The following IYD variants were observed in gnomAD, a reference collection of about 807,000 sequenced individuals.
IYD encodes iodotyrosine deiodinase 1.
A neutral mutation model predicts 28.4 loss-of-function variants in IYD; 25 were observed. That is an observed-to-expected ratio of 0.88 (90% confidence interval 0.64 to 1.23). The LOEUF is 1.23. Among genes scored for constraint, IYD ranks in the 50% most tolerant of loss-of-function variants. The pLI, the probability that IYD is intolerant of heterozygous loss-of-function variation, is 0.00. For missense variants in IYD, 352 were observed against 357.9 expected (o/e 0.98, Z 0.13); for synonymous variants, 140 against 130.8 (o/e 1.07, Z -0.48).
At chr6:150,388,343 T>C (rs1777955543) in intron 1 of IYD, among the ~76,000 whole-genome samples, 1 of 152,222 alleles carries the variant, frequency 6.6e-6, no homozygotes, top group Admixed American at 6.5e-5. Flanking sequence ...GGAATTCAAA[T>C]GTGTAGGGAT....
intron 1 of IYD, among the ~76,000 whole-genome samples, chr6:150,376,887 G>A (rs1777463396): frequency 6.6e-6 from 1 of 152,148 alleles, no homozygotes; most frequent in Non-Finnish European, 1.5e-5. Flanking sequence ...CTCCCAAAGT[G>A]CTGAGATTAC....
chr6:150,373,839 C>T (rs1777354780), intron 1 of IYD, among the ~76,000 whole-genome samples: 1 of 152,220 alleles, frequency 6.6e-6, no homozygotes, highest in South Asian at 2.1e-4. Context: ...TTGTCTTAGA[C>T]ACACCTAGAC....
At chr6:150,391,582 G>A (rs140297550) in intron 2 of IYD, among the ~76,000 whole-genome samples, 156 of 152,302 alleles carry the variant, frequency 1.0e-3, no homozygotes, top group Admixed American at 2.2e-3. Context: ...TGGAACTACA[G>A]AGCTTGATCA....
intron 4 of IYD, chr6:150,396,416 T>C: frequency 1.5e-6 from 1 of 665,944 alleles, no homozygotes; most frequent in South Asian, 1.7e-5. Context: ...GAAGTCAACT[T>C]AACATTAATA....
chr6:150,395,715 G>T, intron 4 of IYD: 1 of 733,692 alleles, frequency 1.4e-6, no homozygotes, highest in South Asian at 1.5e-5. Flanking sequence ...ATGGTGACTG[G>T]GTCTGATAAG....
chr6:150,371,702 A>G (rs888523371), intron 1 of IYD, among the ~76,000 whole-genome samples: 2 of 152,230 alleles, frequency 1.3e-5, no homozygotes, highest in African/African-American at 4.8e-5. Flanking sequence ...AGGAATGAAC[A>G]GGACAGCCTT....
intron 1 of IYD, among the ~76,000 whole-genome samples, chr6:150,382,796 C>A (rs1301581655): frequency 6.6e-6 from 1 of 152,102 alleles, no homozygotes; most frequent in Non-Finnish European, 1.5e-5. Flanking sequence ...TCTAGAGGAT[C>A]TTTTTAGTTC....
chr6:150,373,387 G>A (rs1446367789), intron 1 of IYD, among the ~76,000 whole-genome samples: 4 of 152,264 alleles, frequency 2.6e-5, no homozygotes, highest in Non-Finnish European at 4.4e-5. Context: ...TCATGCTTCT[G>A]AAAGCCAGCC....
At chr6:150,387,168 C>T (rs1777895497) in intron 1 of IYD, among the ~76,000 whole-genome samples, 2 of 152,132 alleles carry the variant, frequency 1.3e-5, no homozygotes, top group South Asian at 4.2e-4. Flanking sequence ...CTAACGCAGC[C>T]CCTGATTTAC....
chr6:150,389,033 C>A (rs1437625047), intron 1 of IYD, among the ~76,000 whole-genome samples: 1 of 152,114 alleles, frequency 6.6e-6, no homozygotes, highest in Non-Finnish European at 1.5e-5. Flanking sequence ...GAGACTGGGT[C>A]TGTCTCCATT....
At chr6:150,378,268 C>T (rs11969662) in intron 1 of IYD, among the ~76,000 whole-genome samples, 9,630 of 140,802 alleles carry the variant, frequency 0.068, 714 homozygotes, top group East Asian at 0.21. Context: ...CATGCTGGTG[C>T]GCTGCACCCA....
intron 1 of IYD, among the ~76,000 whole-genome samples, chr6:150,380,339 C>A (rs972784334): frequency 1.2e-4 from 18 of 152,128 alleles, no homozygotes; most frequent in African/African-American, 3.9e-4. Context: ...ACTACCACAA[C>A]AACAACCACT....
rs895264785 is a variant in IYD at position 150,395,785 on chromosome 6, G to A, written c.687+1530G>A. On this transcript the variant is annotated intron_variant, in intron 4 of 4. Transcript: ENST00000344419. Reference sequence around the variant, plus strand: ...AACTTCCTGGTCAGGTTTAGAGGTGGTGATCTGATTGGAAAAGCTGGAGAG... The same window carrying A: ...AACTTCCTGGTCAGGTTTAGAGGTGATGATCTGATTGGAAAAGCTGGAGAG... 5 of 642,472 alleles carry A rather than the reference G, an allele frequency of 7.8e-6. No individual in the cohort carries two copies. In the African/African-American group the frequency reaches 9.0e-5, roughly 12 times the overall value. The allele number at this position is 642,472 out of a possible 1,614,324, so 39.8% of individuals were successfully genotyped here.
At chr6:150,370,730 G>A (rs1045350573) in intron 1 of IYD, 22 of 883,812 alleles carry the variant, frequency 2.5e-5, no homozygotes, top group East Asian at 2.4e-4. Context: ...AGTGGAAGGC[G>A]TGGATCAGAG....
rs1778412871 is a variant in IYD, at chr6:150,398,570, T to C, written c.*333T>C. On this transcript the variant is annotated 3_prime_UTR_variant, in exon 5 of 5. Coordinates refer to ENST00000344419, the MANE Select transcript of IYD (RefSeq NM_203395.3). ...TCACATAGAGGAGACAATCAGAAATTTACCATAGTCCCAAGAATTCAGCTA... is the reference window on the plus strand; with the variant it reads ...TCACATAGAGGAGACAATCAGAAATCTACCATAGTCCCAAGAATTCAGCTA... 4.2e-6 allele frequency: 1 copy of C among 238,046 alleles called. No homozygotes were observed. The highest frequency in any genetic ancestry group is 9.9e-5 in the South Asian group (1 of 10,082). 14.7% of individuals were successfully genotyped at this position (238,046 alleles called of 1,614,324 possible). A position where few individuals can be genotyped will look rare whatever the true frequency, so the allele number is the denominator to read the frequency against.
In IYD at chr6:150,392,369, C is replaced by G; in HGVS notation, c.395C>G (p.Thr132Arg). The change falls in exon 3 of 5, where the codon ACA (threonine) becomes AGA (arginine). Residue 132 changes from threonine to arginine, a missense_variant. Transcript: ENST00000344419. The part of the protein sequence containing the change: ...TAGTAPSGAH[T>R]EPWTFVVVKD... ...GGAACAGCCCCGAGTGGGGCTCACA[C>G]AGAGCCCTGGACCTTCGTGGTTGTG... The G allele has an allele frequency of 6.2e-7, 1 of 1,613,666 alleles. No homozygotes were observed. The highest frequency in any genetic ancestry group is 8.5e-7 in the Non-Finnish European group (1 of 1,179,868).
At chr6:150,375,760 C>T (rs1259412891) in intron 1 of IYD, among the ~76,000 whole-genome samples, 5 of 152,096 alleles carry the variant, frequency 3.3e-5, no homozygotes, top group East Asian at 1.9e-4. Flanking sequence ...GAGGCATTGT[C>T]GGGGCAGATG....
chr6:150,380,743 AC>A (rs56979505), intron 1 of IYD, among the ~76,000 whole-genome samples: 60,621 of 151,922 alleles, frequency 0.4, 13,599 homozygotes, highest in Non-Finnish European at 0.52. Context: ...GTGGAAATCA[AC>A]CTTTGTTTCT....
At chr6:150,385,529 C>G (rs1777829354) in intron 1 of IYD, among the ~76,000 whole-genome samples, 1 of 149,940 alleles carries the variant, frequency 6.7e-6, no homozygotes, top group African/African-American at 2.5e-5. Flanking sequence ...GTTAAATTAA[C>G]CTCATATTCC....
Sources: allele counts gnomAD v4.1 joint callset (sites outside exome capture counted in the v4.1 genomes callset), GRCh38; gene constraint gnomAD v4.1.1; transcripts MANE v1.5; gene names NCBI Gene and HGNC (gene_info 2026-07-23, HGNC 2026-07-21).